Variants in RYR3 observed in about 807,000 individuals in gnomAD.
RYR3 encodes brain ryanodine receptor-calcium release channel.
In RYR3, 207 loss-of-function variants were observed where a neutral mutation model predicts 584.3. That is an observed-to-expected ratio of 0.35 (90% CI 0.32 to 0.40). The LOEUF (loss-of-function observed/expected upper bound fraction) is 0.40. Among genes scored for constraint, RYR3 ranks in the 10% least tolerant of loss-of-function variants. The pLI, the probability that RYR3 is intolerant of heterozygous loss-of-function variation, is 1.00. For synonymous variants in RYR3, 2,416 were observed against 2,248.5 expected, an observed-to-expected ratio of 1.07 and a Z score of -2.11; for missense variants, 5,616 against 6,089.2, an observed-to-expected ratio of 0.92 and a Z score of 2.59.
intron 3 of RYR3, among the ~76,000 whole-genome samples, chr15:33,521,537 G>A (rs767468880): frequency 6.6e-6 from 1 of 152,150 alleles, no homozygotes; most frequent in Non-Finnish European, 1.5e-5. Flanking sequence ...GGGATGGATT[G>A]TTTGATTTTG....
At chr15:33,444,088 A>C (rs1031649007) in intron 1 of RYR3, among the ~76,000 whole-genome samples, 9 of 152,216 alleles carry the variant, frequency 5.9e-5, no homozygotes, top group African/African-American at 2.2e-4. Flanking sequence ...ATTTTTAGTC[A>C]GGAAAACTAA....
intron 1 of RYR3, among the ~76,000 whole-genome samples, chr15:33,312,687 T>C (rs763170562): frequency 2.8e-4 from 39 of 139,438 alleles, no homozygotes; most frequent in Non-Finnish European, 5.2e-4. Context: ...TTATTAATGA[T>C]CTTCTAGGCG....
At chr15:33,690,025 A>C (rs981675693) in intron 38 of RYR3, among the ~76,000 whole-genome samples, 2 of 152,258 alleles carry the variant, frequency 1.3e-5, no homozygotes, top group African/African-American at 4.8e-5. Context: ...AGATAGGCAG[A>C]AACTTGTGAA....
chr15:33,440,494 G>C (rs943577040), intron 1 of RYR3, among the ~76,000 whole-genome samples: 7 of 152,142 alleles, frequency 4.6e-5, no homozygotes, highest in Non-Finnish European at 1.0e-4. Context: ...AGATGTTTTT[G>C]GTTCCTACAG....
In RYR3 at chr15:33,530,643, C is replaced by T; in HGVS notation, c.331C>T (p.Leu111=). The T allele has an allele frequency of 6.2e-7, 1 of 1,613,562 alleles. No individual in the cohort carries two copies. The highest frequency in any genetic ancestry group is 8.5e-7 in the Non-Finnish European group (1 of 1,179,608). The change falls in exon 4 of 104, where the codon CTG becomes TTG. Residue 111 remains leucine (L), a synonymous_variant. Transcript: ENST00000634891. ...RTLLYGHAVL[L]RHSFSGMYLT... The stretch of plus-strand genomic sequence containing the variant: ...CCTGTTATACGGCCATGCAGTTCTC[C>T]TGAGGCACTCTTTCAGCGGAATGGT...
intron 1 of RYR3, among the ~76,000 whole-genome samples, chr15:33,382,824 G>C (rs2041300332): frequency 6.6e-6 from 1 of 152,038 alleles, no homozygotes; most frequent in African/African-American, 2.4e-5. Context: ...TGGGGGCATG[G>C]GGTGAGTGAA....
intron 46 of RYR3, 114 bp from the exon 47 acceptor site, chr15:33,728,743 C>T (rs1245967062): frequency 1.0e-6 from 1 of 979,800 alleles, no homozygotes; most frequent in South Asian, 3.2e-5. Flanking sequence ...TGTATTTTTC[C>T]AAAAATTCTT....
At position 33,701,206 on chromosome 15, in the gene RYR3, A is replaced by G. The variant is rs532464092; in HGVS notation, c.6483+126A>G. The G allele has an allele frequency of 1.3e-3, 823 of 634,094 alleles. 4 individuals are homozygous for G. The highest frequency in any genetic ancestry group is 2.8e-3 in the Admixed American group (106 of 38,468). 39.3% of individuals were successfully genotyped at this position (634,094 alleles called of 1,614,324 possible). ...GTCATCTTGGTGGGCTTGTAGGGAAAGTGTGAAAGAATGTGAGTAACCGGT... is the reference window on the plus strand; with the variant it reads ...GTCATCTTGGTGGGCTTGTAGGGAAGGTGTGAAAGAATGTGAGTAACCGGT... On this transcript the variant is annotated intron_variant, in intron 42 of 103. Coordinates refer to ENST00000634891, the MANE Select transcript of RYR3 (RefSeq NM_001036.6).
chr15:33,476,804 C>T (rs531613008), intron 2 of RYR3, among the ~76,000 whole-genome samples: 33 of 152,222 alleles, frequency 2.2e-4, no homozygotes, highest in African/African-American at 6.0e-4. Context: ...GAGGGAAGTG[C>T]GCCATCAGGG....
At chr15:33,754,073 G>A (rs2071580883) in intron 57 of RYR3, among the ~76,000 whole-genome samples, 1 of 152,134 alleles carries the variant, frequency 6.6e-6, no homozygotes, top group South Asian at 2.1e-4. Context: ...GAACCCAGAA[G>A]GCAGAGGTTG....
intron 95 of RYR3, 53 bp from the exon 96 acceptor site, chr15:33,853,502 A>G: frequency 6.3e-7 from 1 of 1,591,114 alleles, no homozygotes; most frequent in South Asian, 1.1e-5. Flanking sequence ...AGAGCTAGAA[A>G]ATATTTGGTG....
chr15:33,753,358 C>T (rs1208906816), intron 57 of RYR3, among the ~76,000 whole-genome samples: 1 of 152,172 alleles, frequency 6.6e-6, no homozygotes, highest in Non-Finnish European at 1.5e-5. Context: ...TTGAATGCAT[C>T]ATGATGTCCT....
At chr15:33,402,877 T>C (rs1354515627) in intron 1 of RYR3, among the ~76,000 whole-genome samples, 1 of 152,220 alleles carries the variant, frequency 6.6e-6, no homozygotes, top group Non-Finnish European at 1.5e-5. Context: ...TTGACCATGG[T>C]GTCAGCTGCA....
At chr15:33,387,846 T>C (rs201389006) in intron 1 of RYR3, among the ~76,000 whole-genome samples, 1 of 151,928 alleles carries the variant, frequency 6.6e-6, no homozygotes, top group Non-Finnish European at 1.5e-5. Flanking sequence ...TTGAGGCAGG[T>C]ATAATAGAGA....
intron 8 of RYR3, 42 bp from the exon 9 acceptor site, chr15:33,548,088 A>T: frequency 7.0e-7 from 1 of 1,433,498 alleles, no homozygotes. Context: ...GGTGCTGATC[A>T]GTGTCATGCA....
At chr15:33,712,593 C>T (rs1325347597) in intron 43 of RYR3, among the ~76,000 whole-genome samples, 1 of 152,112 alleles carries the variant, frequency 6.6e-6, no homozygotes, top group Non-Finnish European at 1.5e-5. Context: ...AGTAGATTTG[C>T]AGTCCATTGG....
intron 2 of RYR3, among the ~76,000 whole-genome samples, chr15:33,494,835 TTTAAG>T (rs1299232421): frequency 6.6e-6 from 1 of 152,202 alleles, no homozygotes; most frequent in African/African-American, 2.4e-5. Flanking sequence ...ACCTTTTTAA[TTTAAG>T]AAAGGTTTAT....
chr15:33,431,082 A>G (rs1350428444), intron 1 of RYR3, among the ~76,000 whole-genome samples: 4 of 152,236 alleles, frequency 2.6e-5, no homozygotes, highest in Non-Finnish European at 5.9e-5. Context: ...GTGTGGAGTA[A>G]CTGACACATT....
rs377261976 is a variant in RYR3, at chr15:33,736,516, T to G, written c.7515+191T>G. On this transcript the variant is annotated intron_variant, in intron 49 of 103. Coordinates refer to ENST00000634891, the MANE Select transcript of RYR3 (RefSeq NM_001036.6). ...CTTGAATGCCGAGGTTGAAGAAAAT[T>G]GCTCCAATTTTCTTTAACTGCTTTC... Among the ~76,000 whole-genome samples, 105 of 152,264 alleles carry G rather than the reference T, an allele frequency of 6.9e-4. 1 individual carries two copies. The highest frequency in any genetic ancestry group is 2.5e-3 in the African/African-American group (104 of 41,542).
Sources: allele counts gnomAD v4.1 joint callset (sites outside exome capture counted in the v4.1 genomes callset), GRCh38; gene constraint gnomAD v4.1.1; transcripts MANE v1.5; gene names NCBI Gene and HGNC (gene_info 2026-07-23, HGNC 2026-07-21).